The following VTCN1 variants were observed in gnomAD, a reference collection of about 807,000 sequenced individuals.
VTCN1 encodes the protein V-set domain-containing T-cell activation inhibitor 1.
In VTCN1, 26 loss-of-function variants were observed where a neutral mutation model predicts 26.5. That is an observed-to-expected ratio of 0.98 (90% CI 0.72 to 1.36). The LOEUF (loss-of-function observed/expected upper bound fraction) is 1.36. Among genes scored for constraint, VTCN1 ranks in the 40% most tolerant of loss-of-function variants. VTCN1 has a pLI of 0.00. For missense variants in VTCN1, 298 were observed against 337.7 expected (o/e 0.88, Z 0.92); for synonymous variants, 116 against 130.7 (o/e 0.89, Z 0.77).
intron 1 of VTCN1, among the ~76,000 whole-genome samples, chr1:117,187,964 A>C (rs1648031382): frequency 6.6e-6 from 1 of 152,226 alleles, no homozygotes. Flanking sequence ...TATTTCCATA[A>C]TGCTTAGCTG....
In VTCN1 at chr1:117,183,747, T is replaced by A. The variant is rs1647786152; in HGVS notation, c.33-13576A>T. On this transcript the variant is annotated intron_variant, in intron 1 of 5. Coordinates refer to ENST00000369458, the MANE Select transcript of VTCN1 (RefSeq NM_024626.4). The surrounding 1 kb of genome is among the most constrained non-coding windows in gnomAD (Gnocchi z 4.1). ...AGAATAGTGCATACTAAATAGCCTTTAAAAAAATCCTTGATAAAAATACTT... is the reference window on the plus strand; with the variant it reads ...AGAATAGTGCATACTAAATAGCCTTAAAAAAAATCCTTGATAAAAATACTT... Among the ~76,000 whole-genome samples the A allele has an allele frequency of 6.6e-6, 1 of 152,082 alleles. No homozygotes were observed. Among genetic ancestry groups the A allele is most frequent in the African/African-American group, 2.4e-5 (1 of 41,384 alleles).
At chr1:117,198,061 C>A (rs55704318) in intron 1 of VTCN1, among the ~76,000 whole-genome samples, 5,338 of 152,266 alleles carry the variant, frequency 0.035, 131 homozygotes, top group Non-Finnish European at 0.058. Context: ...ACTGTTGGGG[C>A]CCCATTTAAT....
Position 117,170,135 on chromosome 1 carries a change from A to T in VTCN1, c.69T>A (p.Ile23=). 6.2e-7 allele frequency: 1 copy of T among 1,614,020 alleles called. No homozygotes were observed. Among genetic ancestry groups the T allele is most frequent in the Admixed American group, 1.7e-5 (1 of 60,024 alleles). ...ISIIIILAGA[I]ALIIGFGISG... ...AAATACCAAAGCCAATGATGAGTGC[A>T]ATTGCTCCAGCCAGAATAATGATGA... The change falls in exon 2 of 6, where the codon ATT becomes ATA. Residue 23 remains isoleucine, a synonymous_variant. Transcript: ENST00000369458.
At chr1:117,157,899 G>C (rs552076521) in intron 2 of VTCN1, among the ~76,000 whole-genome samples, 14 of 152,288 alleles carry the variant, frequency 9.2e-5, no homozygotes, top group African/African-American at 2.9e-4. Context: ...TTCCAAATGG[G>C]AGAAATTGGC....
At chr1:117,197,789 A>T (rs1648589798) in intron 1 of VTCN1, among the ~76,000 whole-genome samples, 2 of 152,080 alleles carry the variant, frequency 1.3e-5, no homozygotes, top group Admixed American at 1.3e-4. Flanking sequence ...CTCCACCAGT[A>T]ACATATTTAT....
At chr1:117,173,373 C>CAG in intron 1 of VTCN1, 1 of 503,520 alleles carries the variant, frequency 2.0e-6, no homozygotes, top group Non-Finnish European at 3.6e-6. Flanking sequence ...TGAACACACA[C>CAG]ACACACACAC....
chr1:117,151,491 T>C (rs1183223542), intron 4 of VTCN1, among the ~76,000 whole-genome samples: 1 of 151,560 alleles, frequency 6.6e-6, no homozygotes, highest in Non-Finnish European at 1.5e-5. Context: ...CTGGCTCCAG[T>C]GGCCAGCTTT....
At chr1:117,163,771 C>T (rs1298238632) in intron 2 of VTCN1, among the ~76,000 whole-genome samples, 1 of 152,054 alleles carries the variant, frequency 6.6e-6, no homozygotes, top group Admixed American at 6.5e-5. Flanking sequence ...AGTGCCAACC[C>T]AATAAGAAGA....
In VTCN1 at chr1:117,147,568, G is replaced by T; in HGVS notation, c.*45+45C>A. ...TATCCGACTCTCATTAGGAGCACAA[G>T]CACCCACAGAACCAATATCCCACAC... On this transcript the variant is annotated intron_variant, in intron 5 of 5. Transcript: ENST00000369458. The surrounding 1 kb of genome is among the most constrained non-coding windows in gnomAD (Gnocchi z 4.6). 6.6e-7 allele frequency: 1 copy of T among 1,513,812 alleles called. No individual in the cohort carries two copies. Among genetic ancestry groups the T allele is most frequent in the South Asian group, 1.3e-5 (1 of 78,884 alleles). 93.8% of individuals were successfully genotyped at this position (1,513,812 alleles called of 1,614,324 possible).
At chr1:117,150,182 G>A (rs1366770314) in intron 4 of VTCN1, among the ~76,000 whole-genome samples, 2 of 152,188 alleles carry the variant, frequency 1.3e-5, no homozygotes, top group African/African-American at 2.4e-5. Context: ...CATTGGCCTA[G>A]GTATGGGCAG....
intron 1 of VTCN1, among the ~76,000 whole-genome samples, chr1:117,185,952 C>A (rs539628412): frequency 6.6e-6 from 1 of 152,322 alleles, no homozygotes; most frequent in East Asian, 1.9e-4. Context: ...CCACCTTGGG[C>A]ACATACCGTC....
intron 1 of VTCN1, among the ~76,000 whole-genome samples, chr1:117,196,593 C>A (rs1340644515): frequency 3.3e-5 from 5 of 151,162 alleles, no homozygotes; most frequent in Non-Finnish European, 7.4e-5. Flanking sequence ...GAAAACTCTG[C>A]CTTTTTTTTT....
In VTCN1 at chr1:117,153,354, T is replaced by A; in HGVS notation, c.461A>T (p.Glu154Val). ...EYKTGAFSMP[E>V]VNVDYNASSE... Reference sequence around the variant, plus strand: ...GCTGGCATTATAGTCCACATTCACTTCCGGCATGCTGAAGGCTGCAGGGTC... The same window carrying A: ...GCTGGCATTATAGTCCACATTCACTACCGGCATGCTGAAGGCTGCAGGGTC... The change falls in exon 4 of 6, where the codon GAA becomes GTA. Residue 154 changes from glutamate to valine, a missense_variant. Physicochemically the swap from Glu to Val is moderately radical, Grantham distance 121 (BLOSUM62 -2). Transcript: ENST00000369458. 6.2e-7 allele frequency: 1 copy of A among 1,607,884 alleles called. No individual in the cohort carries two copies. The highest frequency in any genetic ancestry group is 8.5e-7 in the Non-Finnish European group (1 of 1,175,018).
At chr1:117,172,308 G>A (rs1570960247) in intron 1 of VTCN1, 2 of 517,222 alleles carry the variant, frequency 3.9e-6, no homozygotes, top group Non-Finnish European at 7.7e-6. Flanking sequence ...GCCCTCATAA[G>A]GTGCAGCCAC....
chr1:117,170,185 G>C lies in VTCN1; in HGVS notation c.33-14C>G. On this transcript the variant is annotated splice_polypyrimidine_tract_variant and intron_variant, in intron 1 of 5. Coordinates refer to ENST00000369458, the MANE Select transcript of VTCN1 (RefSeq NM_024626.4). ...ATGCTAATTATGCTACGGGAAGAGA[G>C]AGAGAAACAGAAAATTAGTTCTCCA... 1.2e-6 allele frequency: 2 copies of C among 1,612,486 alleles called. No homozygotes were observed. The highest frequency in any genetic ancestry group is 1.7e-6 in the Non-Finnish European group (2 of 1,179,220).
intron 4 of VTCN1, among the ~76,000 whole-genome samples, chr1:117,148,342 C>A (rs1181160872): frequency 2.4e-4 from 37 of 152,162 alleles, no homozygotes; most frequent in Admixed American, 2.4e-3. Flanking sequence ...AATGTATGTG[C>A]TCCAGTTTCT....
At chr1:117,173,159 C>T (rs550260669) in intron 1 of VTCN1, 22 of 715,818 alleles carry the variant, frequency 3.1e-5, no homozygotes, top group African/African-American at 8.7e-5. Context: ...ACTCCGGACG[C>T]GCCACCTTTA....
intron 1 of VTCN1, among the ~76,000 whole-genome samples, chr1:117,180,652 G>A (rs934279363): frequency 6.6e-6 from 1 of 152,240 alleles, no homozygotes; most frequent in African/African-American, 2.4e-5. Flanking sequence ...GGTTAAGAGA[G>A]ATTGCAGGGG....
At chr1:117,170,012 C>G (rs1480079808) in intron 2 of VTCN1, 95 bp downstream of exon 2, 2 of 1,233,532 alleles carry the variant, frequency 1.6e-6, no homozygotes, top group Non-Finnish European at 2.4e-6. Flanking sequence ...TTTTCTGGGT[C>G]AAAGCTCTGG....
Sources: allele counts gnomAD v4.1 joint callset (sites outside exome capture counted in the v4.1 genomes callset), GRCh38; gene constraint gnomAD v4.1.1; non-coding constraint Gnocchi (gnomAD v3.1); transcripts MANE v1.5; gene names NCBI Gene and HGNC (gene_info 2026-07-23, HGNC 2026-07-21).